The following NUBPL variants were observed in gnomAD, a reference collection of about 807,000 sequenced individuals.
NUBPL encodes NUBP iron-sulfur cluster assembly factor, mitochondrial.
A neutral mutation model predicts 45.7 loss-of-function variants in NUBPL; 31 were observed. That is an observed-to-expected ratio of 0.68 (90% CI 0.51 to 0.92). The LOEUF is 0.92. Ranked by LOEUF, NUBPL falls within the 40% of genes least tolerant of loss-of-function variation. The pLI is 0.00. For synonymous variants in NUBPL, 144 were observed against 140.9 expected (o/e 1.02, Z -0.15); for missense variants, 401 against 398.7 (o/e 1.01, Z -0.05).
At chr14:31,628,605 A>G (rs1327060773) in intron 4 of NUBPL, among the ~76,000 whole-genome samples, 1 of 152,208 alleles carries the variant, frequency 6.6e-6, no homozygotes, top group Non-Finnish European at 1.5e-5. Context: ...TGTATGCTAA[A>G]TACCCATGTC....
chr14:31,841,027 C>T (rs1235229691), intron 8 of NUBPL, among the ~76,000 whole-genome samples: 2 of 152,190 alleles, frequency 1.3e-5, no homozygotes, highest in African/African-American at 4.8e-5. Context: ...TAGTTGCCAT[C>T]GTTCTTTTCT....
intron 6 of NUBPL, among the ~76,000 whole-genome samples, chr14:31,677,218 T>G (rs879368545): frequency 2.8e-4 from 43 of 152,332 alleles, no homozygotes; most frequent in African/African-American, 8.9e-4. Flanking sequence ...TTTTAAAATG[T>G]ACCATCAAAT....
chr14:31,822,160 T>C (rs1360878208), intron 7 of NUBPL, among the ~76,000 whole-genome samples: 1 of 152,170 alleles, frequency 6.6e-6, no homozygotes, highest in East Asian at 1.9e-4. Flanking sequence ...AGTAACTTAA[T>C]TGTACATTTT....
chr14:31,838,142 A>T (rs1019185283), intron 8 of NUBPL, among the ~76,000 whole-genome samples: 1 of 152,130 alleles, frequency 6.6e-6, no homozygotes, highest in Non-Finnish European at 1.5e-5. Flanking sequence ...ATAAAAACTG[A>T]TGGTACCAAA....
intron 3 of NUBPL, among the ~76,000 whole-genome samples, chr14:31,590,749 G>A (rs1270611967): frequency 6.6e-6 from 1 of 152,142 alleles, no homozygotes; most frequent in Non-Finnish European, 1.5e-5. Context: ...AGATAACTAT[G>A]ATTTTTAGAG....
At chr14:31,584,663 G>C (rs1345279372) in intron 3 of NUBPL, among the ~76,000 whole-genome samples, 1 of 152,110 alleles carries the variant, frequency 6.6e-6, no homozygotes, top group Non-Finnish European at 1.5e-5. Flanking sequence ...TGTCTCTATA[G>C]ATTTGCCTAT....
chr14:31,761,413 G>A (rs2038806732), intron 6 of NUBPL, among the ~76,000 whole-genome samples: 1 of 152,100 alleles, frequency 6.6e-6, no homozygotes, highest in African/African-American at 2.4e-5. Context: ...TATATATCCT[G>A]TATAGACTCA....
chr14:31,585,844 A>C (rs896553336), intron 3 of NUBPL, among the ~76,000 whole-genome samples: 3 of 152,234 alleles, frequency 2.0e-5, no homozygotes, highest in African/African-American at 7.2e-5. Context: ...TGGCTGACAT[A>C]GAATTTAAGA....
chr14:31,730,668 G>A (rs142569918), intron 6 of NUBPL, among the ~76,000 whole-genome samples: 39 of 151,908 alleles, frequency 2.6e-4, no homozygotes, highest in African/African-American at 6.3e-4. Context: ...GGGTTTCACC[G>A]TGTTAGCCAG....
chr14:31,676,679 G>A (rs1004493864), intron 6 of NUBPL, among the ~76,000 whole-genome samples: 5 of 151,872 alleles, frequency 3.3e-5, no homozygotes, highest in African/African-American at 1.2e-4. Context: ...ATAATATTGA[G>A]CCCTTTTCCA....
chr14:31,587,802 C>T (rs1177221238), intron 3 of NUBPL, among the ~76,000 whole-genome samples: 1 of 152,052 alleles, frequency 6.6e-6, no homozygotes, highest in Admixed American at 6.5e-5. Context: ...TACATGGTTC[C>T]TGCTCTTAAA....
intron 6 of NUBPL, among the ~76,000 whole-genome samples, chr14:31,723,405 G>T (rs2037853894): frequency 6.6e-6 from 1 of 152,104 alleles, no homozygotes. Context: ...TTTTTGCTTA[G>T]GATTGCCTTG....
At chr14:31,797,905 C>T (rs1474533463) in intron 7 of NUBPL, among the ~76,000 whole-genome samples, 4 of 138,648 alleles carry the variant, frequency 2.9e-5, no homozygotes, top group African/African-American at 1.1e-4. Context: ...GCGCTTCCTT[C>T]AGGAGCTCTT....
intron 6 of NUBPL, among the ~76,000 whole-genome samples, chr14:31,741,891 T>C (rs1294153884): frequency 6.6e-6 from 1 of 152,126 alleles, no homozygotes; most frequent in Non-Finnish European, 1.5e-5. Context: ...TTCAGTTTTT[T>C]ACCTGTTAGG....
intron 4 of NUBPL, among the ~76,000 whole-genome samples, chr14:31,617,766 G>C: frequency 6.6e-6 from 1 of 152,142 alleles, no homozygotes; most frequent in East Asian, 1.9e-4. Context: ...GCCAGGTTTT[G>C]GTATCAGGCT....
chr14:31,606,745 C>T (rs1055961511), intron 4 of NUBPL, among the ~76,000 whole-genome samples: 33 of 152,102 alleles, frequency 2.2e-4, no homozygotes, highest in Non-Finnish European at 8.8e-5. Context: ...CTGCAGGAGG[C>T]TCCTTCAGCT....
At chr14:31,763,226 C>A (rs2038849836) in intron 6 of NUBPL, among the ~76,000 whole-genome samples, 2 of 152,074 alleles carry the variant, frequency 1.3e-5, no homozygotes, top group African/African-American at 4.8e-5. Context: ...TGTGGAAGGT[C>A]TCTTTTGATT....
chr14:31,685,892 C>A (rs888570397), intron 6 of NUBPL, among the ~76,000 whole-genome samples: 1 of 152,144 alleles, frequency 6.6e-6, no homozygotes, highest in Non-Finnish European at 1.5e-5. Flanking sequence ...CTATTCCACT[C>A]TCCCACTTGA....
rs138672865 is a variant in NUBPL at position 31,751,310 on chromosome 14, A to C, written c.514-36470A>C. ...AGGTCCAAGTCCAAAGTCTCATCTG[A>C]GACAAGGCAAGTCCCTTCCGCCTAT... is the stretch of plus-strand genomic sequence containing the variant. On this transcript the variant is annotated intron_variant, in intron 6 of 10. Coordinates refer to ENST00000281081, the MANE Select transcript of NUBPL (RefSeq NM_025152.3). Among the ~76,000 whole-genome samples, 64 of 152,356 alleles carry C rather than the reference A, an allele frequency of 4.2e-4. No homozygotes were observed. In the East Asian group the frequency reaches 0.011, roughly 25 times the overall value.
Sources: gnomAD v4.1 joint callset for allele counts (sites outside exome capture counted in the v4.1 genomes callset) on GRCh38, gnomAD v4.1.1 for gene constraint, MANE v1.5 for transcripts, NCBI Gene and HGNC (gene_info 2026-07-23, HGNC 2026-07-21) for gene names.